Variants in NME4 observed in about 807,000 individuals in gnomAD.
NME4 encodes nucleoside diphosphate kinase D, mitochondrial.
NME4 carries 21 observed loss-of-function variants against 16.4 expected under a neutral mutation model. That is an observed-to-expected ratio of 1.28 (90% CI 0.91 to 1.84). NME4 has a LOEUF of 1.84. NME4 is among the 40% of genes most tolerant of loss of function. The pLI is 0.00. For missense variants in NME4, 316 were observed against 261.3 expected, an observed-to-expected ratio of 1.21 and a Z score of -1.44; for synonymous variants, 132 against 107.5, an observed-to-expected ratio of 1.23 and a Z score of -1.41.
chr16:399,878 G>GA, intron 4 of NME4, 139 bp downstream of exon 4: 1 of 712,830 alleles, frequency 1.4e-6, no homozygotes, highest in Admixed American at 2.3e-5. Context: ...ACACTGGTGA[G>GA]AGCCGTGTTC....
At chr16:399,792 CTTGGG>C in intron 4 of NME4, 53 bp downstream of exon 4, 4 of 1,472,334 alleles carry the variant, frequency 2.7e-6, no homozygotes, top group Non-Finnish European at 2.8e-6. Context: ...AGGGCCATCA[CTTGGG>C]GTGGTGGCAG....
intron 3 of NME4, 45 bp from the exon 4 acceptor site, chr16:399,582 C>T (rs55976144): frequency 0.012 from 18,785 of 1,599,052 alleles, 251 homozygotes; most frequent in South Asian, 0.049. Context: ...GCCCAGGGGC[C>T]CTTGGTGTTC....
In NME4 at chr16:399,724, G is replaced by C. The variant is rs2054619200; in HGVS notation, c.425G>C (p.Ser142Thr). The C allele has an allele frequency of 6.2e-7, 1 of 1,612,846 alleles. No individual in the cohort carries two copies. Among genetic ancestry groups the C allele is most frequent in the Non-Finnish European group, 8.5e-7 (1 of 1,179,864 alleles). Residue 142 changes from serine to threonine, a missense_variant, in exon 4 of 5, where the codon AGC (serine) becomes ACC (threonine). Coordinates refer to ENST00000219479, the MANE Select transcript of NME4 (RefSeq NM_005009.3). ...AAPGTIRGDF[S>T]VHISRNVIHA... ...CCAGGAACCATAAGGGGTGACTTCA[G>C]CGTCCACATCAGCAGGTACGGGGGT...
chr16:399,846 G>T, intron 4 of NME4, 107 bp downstream of exon 4: 1 of 922,418 alleles, frequency 1.1e-6, no homozygotes, highest in Non-Finnish European at 1.7e-6. Flanking sequence ...CTAGGATGAA[G>T]CCAGGTCGGA....
chr16:398,382 C>G, intron 1 of NME4: 1 of 1,255,172 alleles, frequency 8.0e-7, no homozygotes, highest in Non-Finnish European at 1.0e-6. Flanking sequence ...CCAGGGCTCA[C>G]CTGGTGGGGA....
intron 2 of NME4, 40 bp downstream of exon 2, chr16:399,163 G>A (rs759835422): frequency 2.1e-5 from 34 of 1,600,214 alleles, no homozygotes; most frequent in African/African-American, 2.7e-5. Flanking sequence ...CTGTGGGGAT[G>A]GGGTTGGGGG....
intron 3 of NME4, 23 bp from the exon 4 acceptor site, chr16:399,604 C>T (rs1314203583): frequency 1.2e-6 from 2 of 1,610,126 alleles, no homozygotes; most frequent in East Asian, 2.2e-5. Context: ...CCACTTCTCC[C>T]CAACCATTAT....
chr16:398,878 T>C, intron 1 of NME4, 112 bp from the exon 2 acceptor site: 1 of 1,449,772 alleles, frequency 6.9e-7, no homozygotes, highest in Non-Finnish European at 9.4e-7. Context: ...GTGCCCTGCA[T>C]AGAGGCAGAC....
At position 399,078 on chromosome 16, in the gene NME4, C is replaced by T; in HGVS notation, c.180C>T (p.Arg60=). The T allele has an allele frequency of 6.2e-7, 1 of 1,603,358 alleles. No individual in the cohort carries two copies. The highest frequency in any genetic ancestry group is 1.3e-5 in the African/African-American group (1 of 75,020). ...QRRLVGDVIQ[R]FERRGFTLVG... ...GGCTCGTTGGGGACGTGATCCAGCG[C>T]TTTGAGAGGCGGGGCTTCACGCTGG... is the stretch of plus-strand genomic sequence containing the variant. Residue 60 remains arginine, a synonymous_variant, in exon 2 of 5, where the codon CGC becomes CGT. Coordinates refer to ENST00000219479, the MANE Select transcript of NME4 (RefSeq NM_005009.3).
Position 399,417 on chromosome 16 carries a change from G to A in NME4, c.264G>A (p.Leu88=). Residue 88 remains leucine, a synonymous_variant, in exon 3 of 5, where the codon CTG becomes CTA. Transcript: ENST00000219479. Reference sequence around the variant, plus strand: ...TCCTTGCCGAGCACTACCAGGACCTGCGGAGGAAGCCCTTCTACCCTGCCC... The same window carrying A: ...TCCTTGCCGAGCACTACCAGGACCTACGGAGGAAGCCCTTCTACCCTGCCC... The part of the protein sequence containing the change: ...ESVLAEHYQD[L]RRKPFYPALI... The A allele has an allele frequency of 1.2e-6, 2 of 1,613,020 alleles. No homozygotes were observed. Among genetic ancestry groups the A allele is most frequent in the Non-Finnish European group, 1.7e-6 (2 of 1,179,988 alleles).
At chr16:397,119 TCCGGGGCGGCG>T (rs2054557920), upstream of NME4, 2 of 146,058 alleles carry the variant, frequency 1.4e-5, no homozygotes, top group African/African-American at 4.4e-4. Context: ...GGCGGGGGGC[TCCGGGGCGGCG>T]GGGGGCTCCC....
At chr16:397,139 CCG>C, upstream of NME4, 1 of 391,920 alleles carries the variant, frequency 2.6e-6, no homozygotes, top group Non-Finnish European at 3.3e-6. Flanking sequence ...CGGGGGGCTC[CCG>C]GGCGGGCGGG....
At chr16:399,885 G>T in intron 4 of NME4, 146 bp downstream of exon 4, 1 of 696,752 alleles carries the variant, frequency 1.4e-6, no homozygotes, top group Non-Finnish European at 2.5e-6. Flanking sequence ...TGAGAGCCGT[G>T]TTCTCCCAGG....
intron 1 of NME4, chr16:397,922 G>A (rs1430388797): frequency 2.8e-5 from 43 of 1,550,384 alleles, no homozygotes; most frequent in Non-Finnish European, 3.7e-5. Context: ...CGCCTGCAAT[G>A]CCCGCACCAG....
chr16:398,235 G>A (rs1373982964), intron 1 of NME4: 1 of 1,425,838 alleles, frequency 7.0e-7, no homozygotes, highest in Non-Finnish European at 9.4e-7. Context: ...GACGGCTGGG[G>A]CGGAGCTCAG....
chr16:400,329 TC>T lies in NME4; in HGVS notation c.553del (p.His185ThrfsTer91). The T allele has an allele frequency of 6.2e-7, 1 of 1,603,498 alleles. No individual in the cohort carries two copies. Among genetic ancestry groups the T allele is most frequent in the Non-Finnish European group, 8.5e-7 (1 of 1,178,266 alleles). ...SWADGGQHSS[I>X]HPA Reference sequence around the variant, plus strand: ...GCAGACGGGGGCCAGCACAGCAGCATCCACCCAGCCTGAGGCTCAAGCTGCC... The same window carrying T: ...GCAGACGGGGGCCAGCACAGCAGCATCACCCAGCCTGAGGCTCAAGCTGCC... On this transcript the variant is annotated frameshift_variant, in exon 5 of 5. Transcript: ENST00000219479. LOFTEE classifies it high-confidence loss of function.
rs2054612027 is a variant in NME4, at chr16:399,416, T to C, written c.263T>C (p.Leu88Pro). ...ESVLAEHYQD[L>P]RRKPFYPALI... The stretch of plus-strand genomic sequence containing the variant: ...GTCCTTGCCGAGCACTACCAGGACC[T>C]GCGGAGGAAGCCCTTCTACCCTGCC... The change falls in exon 3 of 5, where the codon CTG (leucine) becomes CCG (proline). Residue 88 changes from leucine to proline, a missense_variant. Physicochemically the swap from Leu to Pro is moderately conservative, Grantham distance 98 (BLOSUM62 -3). Coordinates refer to ENST00000219479, the MANE Select transcript of NME4 (RefSeq NM_005009.3). 1 of 1,612,974 alleles carries C rather than the reference T, an allele frequency of 6.2e-7. No homozygotes were observed. The highest frequency in any genetic ancestry group is 8.5e-7 in the Non-Finnish European group (1 of 1,179,958).
chr16:400,213 G>A lies in NME4; in HGVS notation c.441-6G>A, dbSNP rs748227634. On this transcript the variant is annotated splice_polypyrimidine_tract_variant and splice_region_variant and intron_variant, in intron 4 of 4. Transcript: ENST00000219479. ...TGAGCCTCACATTGCTCCTGTCCTGGCACAGGAATGTCATCCACGCCAGCG... is the reference window on the plus strand; with the variant it reads ...TGAGCCTCACATTGCTCCTGTCCTGACACAGGAATGTCATCCACGCCAGCG... The A allele has an allele frequency of 3.7e-6, 6 of 1,608,416 alleles. No individual in the cohort carries two copies. The Admixed American group carries it at 1.0e-4, about 27-fold the overall frequency.
chr16:400,064 G>C, intron 4 of NME4, 155 bp from the exon 5 acceptor site: 1 of 1,177,530 alleles, frequency 8.5e-7, no homozygotes, highest in South Asian at 1.3e-5. Context: ...GGCCAGGCTG[G>C]AACCCGGTTT....
Sources: allele counts gnomAD v4.1 joint callset, GRCh38; gene constraint gnomAD v4.1.1; transcripts MANE v1.5; gene names NCBI Gene and HGNC (gene_info 2026-07-23, HGNC 2026-07-21).